The following CYB5A variants were observed in gnomAD, a reference collection of about 807,000 sequenced individuals.
CYB5A encodes cytochrome b5 type A, also known as cytochrome b5.
Under a neutral mutation model 16.2 loss-of-function variants are expected in CYB5A, and 10 were observed. The observed-to-expected ratio is 0.62, with a 90% CI of 0.38 to 1.04. The LOEUF is 1.04. Ranked by LOEUF, CYB5A falls within the 50% of genes least tolerant of loss-of-function variation. The pLI is 0.01. For missense variants in CYB5A, 161 were observed against 165.9 expected, an observed-to-expected ratio of 0.97 and a Z score of 0.16; for synonymous variants, 62 against 57.0, an observed-to-expected ratio of 1.09 and a Z score of -0.40.
chr18:74,284,359 G>A (rs1460305543), intron 1 of CYB5A, among the ~76,000 whole-genome samples: 6 of 152,168 alleles, frequency 3.9e-5, no homozygotes, highest in Admixed American at 2.6e-4. Flanking sequence ...AACGTCCACT[G>A]CTATCACTTT....
intron 2 of CYB5A, among the ~76,000 whole-genome samples, 198 bp downstream of exon 2, chr18:74,263,146 CAAAAA>C (rs374767854): frequency 1.2e-5 from 1 of 85,842 alleles, no homozygotes. Flanking sequence ...AGACCTGTCT[CAAAAA>C]AAAAAAAAAA....
intron 1 of CYB5A, among the ~76,000 whole-genome samples, chr18:74,274,297 C>T (rs1442675981): frequency 6.6e-6 from 1 of 151,854 alleles, no homozygotes; most frequent in Non-Finnish European, 1.5e-5. Context: ...AGAATGAGGC[C>T]AAAGAGAAAT....
At chr18:74,259,393 A>G (rs1045810926) in intron 3 of CYB5A, 1 of 152,260 alleles carries the variant, frequency 6.6e-6, no homozygotes, top group African/African-American at 2.4e-5. Flanking sequence ...TATCAAAGTA[A>G]CTGCCACTTT....
chr18:74,255,608 G>T, intron 4 of CYB5A, 133 bp downstream of exon 4: 1 of 769,664 alleles, frequency 1.3e-6, no homozygotes, highest in Non-Finnish European at 2.3e-6. Context: ...GAACAGTCTG[G>T]CCTTCAGCAG....
chr18:74,277,605 C>T (rs931697897), intron 1 of CYB5A, among the ~76,000 whole-genome samples: 1 of 152,144 alleles, frequency 6.6e-6, no homozygotes, highest in South Asian at 2.1e-4. Flanking sequence ...CTAAATGTGG[C>T]GAGCATCAGG....
chr18:74,269,492 C>G (rs1252952930), intron 1 of CYB5A, among the ~76,000 whole-genome samples: 2 of 127,900 alleles, frequency 1.6e-5, no homozygotes, highest in Admixed American at 8.8e-5. Flanking sequence ...GTGGAAGAGC[C>G]CCAGGTCCCT....
chr18:74,288,810 G>T (rs1003943334), intron 1 of CYB5A, among the ~76,000 whole-genome samples: 2 of 152,168 alleles, frequency 1.3e-5, no homozygotes, highest in Admixed American at 6.5e-5. Flanking sequence ...CAATGACCAG[G>T]ACATGCAATA....
At chr18:74,261,112 A>T in intron 2 of CYB5A, 168 bp from the exon 3 acceptor site, 3 of 616,930 alleles carry the variant, frequency 4.9e-6, no homozygotes, top group Non-Finnish European at 8.7e-6. Context: ...TAACAGCAAA[A>T]ATTAGTAGCA....
chr18:74,256,713 A>G, intron 3 of CYB5A: 1 of 941,336 alleles, frequency 1.1e-6, no homozygotes, highest in Admixed American at 2.1e-5. Context: ...TTAGCAAAAC[A>G]ATCAGCGGCC....
In CYB5A at chr18:74,291,757, A is replaced by C. The variant is rs758514419; in HGVS notation, c.119T>G (p.Phe40Cys). The C allele has an allele frequency of 6.2e-7, 1 of 1,613,834 alleles. No homozygotes were observed. Among genetic ancestry groups the C allele is most frequent in the Admixed American group, 1.7e-5 (1 of 60,020 alleles). The change falls in exon 1 of 5, where the codon TTT (phenylalanine) becomes TGT (cysteine). Residue 40 changes from phenylalanine (F) to cysteine (C), a missense_variant. Transcript: ENST00000340533. ...TCATCCCCAACTCACCTCTTCCAGAAATTTGGTCAAATCGTACACCTTGTG... is the reference window on the plus strand; with the variant it reads ...TCATCCCCAACTCACCTCTTCCAGACATTTGGTCAAATCGTACACCTTGTG... ...LHHKVYDLTK[F>C]LEEHPGGEEV...
At chr18:74,275,936 G>A (rs969065320) in intron 1 of CYB5A, among the ~76,000 whole-genome samples, 2 of 152,158 alleles carry the variant, frequency 1.3e-5, no homozygotes, top group Non-Finnish European at 2.9e-5. Flanking sequence ...GCGCAGACCA[G>A]ATACCCCAAC....
intron 1 of CYB5A, among the ~76,000 whole-genome samples, chr18:74,271,207 A>C (rs899166609): frequency 2.0e-5 from 3 of 152,240 alleles, no homozygotes; most frequent in African/African-American, 7.2e-5. Flanking sequence ...GTACATGAGA[A>C]ATCAATGTGA....
intron 1 of CYB5A, among the ~76,000 whole-genome samples, chr18:74,268,619 C>T (rs908773973): frequency 6.6e-6 from 1 of 152,100 alleles, no homozygotes; most frequent in Non-Finnish European, 1.5e-5. Flanking sequence ...TCTCTGCAGC[C>T]ACTCCAGAGG....
At chr18:74,278,820 T>C (rs566895444) in intron 1 of CYB5A, among the ~76,000 whole-genome samples, 15 of 152,320 alleles carry the variant, frequency 9.8e-5, no homozygotes, top group Admixed American at 7.2e-4. Flanking sequence ...AATTAGTAAA[T>C]GTTTGGTCTA....
At chr18:74,263,699 A>G (rs1008051189) in intron 1 of CYB5A, among the ~76,000 whole-genome samples, 4 of 152,176 alleles carry the variant, frequency 2.6e-5, no homozygotes, top group African/African-American at 9.7e-5. Context: ...ACTTGGGCCC[A>G]AGTTCAAAGC....
intron 2 of CYB5A, 180 bp from the exon 3 acceptor site, chr18:74,261,124 AT>A: frequency 6.8e-6 from 4 of 589,424 alleles, no homozygotes; most frequent in Non-Finnish European, 1.2e-5. Context: ...TTAGTAGCAG[AT>A]TAAGTGCCAA....
chr18:74,285,772 A>G (rs1983293539), intron 1 of CYB5A, among the ~76,000 whole-genome samples: 1 of 149,590 alleles, frequency 6.7e-6, no homozygotes, highest in Non-Finnish European at 1.5e-5. Context: ...GGACTGGTTG[A>G]GCCCAGGAGG....
Position 74,280,673 on chromosome 18 carries a change from GT to G in CYB5A, c.129+11073del, listed in dbSNP as rs1323990100. ...GTGTGAGGTTTCAGTCAAGGTTTAT[GT>G]TTTTGGTTATTGATGTCCAGTTGTT... On this transcript the variant is annotated intron_variant, in intron 1 of 4. Transcript: ENST00000340533. 3.3e-5 allele frequency among the ~76,000 whole-genome samples: 5 copies of G among 151,884 alleles called. No homozygotes were observed. The East Asian group carries it at 9.6e-4, about 29-fold the overall frequency.
intron 1 of CYB5A, among the ~76,000 whole-genome samples, chr18:74,286,272 C>A (rs554396870): frequency 3.3e-5 from 5 of 152,202 alleles, no homozygotes; most frequent in African/African-American, 9.7e-5. Flanking sequence ...TCCCCTTACA[C>A]AATAAAGTTG....
Sources: gnomAD v4.1 joint callset for allele counts (sites outside exome capture counted in the v4.1 genomes callset) on GRCh38, gnomAD v4.1.1 for gene constraint, MANE v1.5 for transcripts, NCBI Gene and HGNC (gene_info 2026-07-23, HGNC 2026-07-21) for gene names.